CDHR1: variants seen among roughly 807,000 people sequenced by gnomAD.
The protein encoded by CDHR1 is cadherin-related family member 1.
Under a neutral mutation model 72.1 loss-of-function variants are expected in CDHR1, and 61 were observed. That is an observed-to-expected ratio of 0.85 (90% CI 0.69 to 1.05). The LOEUF (loss-of-function observed/expected upper bound fraction) is 1.05, where lower values mean the gene tolerates loss of function less well. Among genes scored for constraint, CDHR1 ranks in the 50% least tolerant of loss-of-function variants. The pLI, the probability that CDHR1 is intolerant of heterozygous loss-of-function variation, is 0.00. For missense variants in CDHR1, 1,186 were observed against 1,115.7 expected, an observed-to-expected ratio of 1.06 and a Z score of -0.90; for synonymous variants, 470 against 448.1, an observed-to-expected ratio of 1.05 and a Z score of -0.62.
At chr10:84,211,616 GC>G in intron 13 of CDHR1, 31 bp from the exon 14 acceptor site, 1 of 1,599,428 alleles carries the variant, frequency 6.3e-7, no homozygotes, top group Non-Finnish European at 8.6e-7. Context: ...TGACAAAGAG[GC>G]ACGTGCCACC....
rs770554455 is a variant in CDHR1, at chr10:84,212,234, G to A, written c.1609G>A (p.Asp537Asn). 6.2e-7 allele frequency: 1 copy of A among 1,614,258 alleles called. No homozygotes were observed. The highest frequency in any genetic ancestry group is 8.5e-7 in the Non-Finnish European group (1 of 1,180,044). Residue 537 changes from aspartate to asparagine, a missense_variant, in exon 15 of 17, where the codon GAC (aspartate) becomes AAC (asparagine). Coordinates refer to ENST00000623527, the MANE Select transcript of CDHR1 (RefSeq NM_033100.4). ...CTACACCCAGCCCTGGGCTAGCCTG[G>A]ACGCTGAGGCCACTGCCAGGTACAA... ...LIYTQPWASL[D>N]AEATARYNFY... is the part of the protein sequence containing the mutation.
At chr10:84,208,137 C>A in intron 10 of CDHR1, 37 bp from the exon 11 acceptor site, 1 of 1,574,418 alleles carries the variant, frequency 6.4e-7, no homozygotes, top group East Asian at 2.2e-5. Context: ...GAAGGGTCCA[C>A]CTGCCACACA....
chr10:84,213,394 T>C (rs1229388179), intron 16 of CDHR1, 46 bp downstream of exon 16: 15 of 1,613,076 alleles, frequency 9.3e-6, no homozygotes, highest in Non-Finnish European at 1.1e-5. Context: ...GCAGGCCAGC[T>C]CAGACCTCTC....
intron 3 of CDHR1, 83 bp downstream of exon 3, chr10:84,196,733 G>T: frequency 6.6e-7 from 1 of 1,505,440 alleles, no homozygotes; most frequent in Middle Eastern, 1.8e-4. Flanking sequence ...GAGCACATTG[G>T]TTAGAACCTC....
At chr10:84,218,843 T>C (rs926427582), downstream of CDHR1, 7 of 891,260 alleles carry the variant, frequency 7.9e-6, no homozygotes, top group Non-Finnish European at 1.0e-5. Flanking sequence ...TGGCCCTATG[T>C]GCTGAGTCAC....
In CDHR1 at chr10:84,213,240, C is replaced by T. The variant is rs1456366291; in HGVS notation, c.1932C>T (p.Ile644=). 3 of 1,614,146 alleles carry T rather than the reference C, an allele frequency of 1.9e-6. No homozygotes were observed. The highest frequency in any genetic ancestry group is 1.1e-5 in the South Asian group (1 of 91,096). Residue 644 remains isoleucine, a synonymous_variant, in exon 16 of 17, where the codon ATC becomes ATT. Transcript: ENST00000623527. Reference sequence around the variant, plus strand: ...GCTCCCTGGATGCCCTGCACAACATCACACCTGGAAGGGACTGCCTATGGT... The same window carrying T: ...GCTCCCTGGATGCCCTGCACAACATTACACCTGGAAGGGACTGCCTATGGT... The part of the protein sequence containing the change: ...SIRSLDALHN[I]TPGRDCLWSL...
At chr10:84,195,849 T>G (rs924563868) in intron 2 of CDHR1, among the ~76,000 whole-genome samples, 6 of 152,348 alleles carry the variant, frequency 3.9e-5, no homozygotes, top group African/African-American at 1.4e-4. Flanking sequence ...CTGCCCCTTA[T>G]GGCTGTGTGA....
chr10:84,205,789 G>A, intron 9 of CDHR1, 38 bp from the exon 10 acceptor site: 1 of 1,476,142 alleles, frequency 6.8e-7, no homozygotes, highest in Non-Finnish European at 9.5e-7. Flanking sequence ...CCTCCCTGTG[G>A]TCCTGTGCAG....
chr10:84,208,449 C>A (rs1842269867), intron 11 of CDHR1, 72 bp downstream of exon 11: 3 of 1,462,114 alleles, frequency 2.1e-6, no homozygotes, highest in South Asian at 1.2e-5. Context: ...CTAAGTGGGT[C>A]TGCATCAACC....
chr10:84,215,659 T>G lies in CDHR1; in HGVS notation c.*1038T>G. On this transcript the variant is annotated 3_prime_UTR_variant, in exon 17 of 17. Coordinates refer to ENST00000623527, the MANE Select transcript of CDHR1 (RefSeq NM_033100.4). Reference sequence around the variant, plus strand: ...TGAAGAAAATAGTGGTGATGAGGGCTTTAACCAAGTGCAAAGCGGCATGAA... The same window carrying G: ...TGAAGAAAATAGTGGTGATGAGGGCGTTAACCAAGTGCAAAGCGGCATGAA... 1 of 984,318 alleles carries G rather than the reference T, an allele frequency of 1.0e-6. No homozygotes were observed. Among genetic ancestry groups the G allele is most frequent in the Non-Finnish European group, 1.2e-6 (1 of 828,900 alleles). The allele number at this position is 984,318 out of a possible 1,614,324, so 61.0% of individuals were successfully genotyped here.
Position 84,211,650 on chromosome 10 carries a change from T to G in CDHR1, c.1488T>G (p.Ala496=). The G allele has an allele frequency of 6.2e-7, 1 of 1,614,088 alleles. No homozygotes were observed. The highest frequency in any genetic ancestry group is 8.5e-7 in the Non-Finnish European group (1 of 1,179,934). ...ACCCAGGGCTCTTTCTCTTCCAGGC[T>G]GTGGATCCAGATACAGGACCCTGGG... ...PGGSSVVAVT[A]VDPDTGPWGE... Residue 496 remains alanine (A), a splice_region_variant and synonymous_variant, in exon 14 of 17, where the codon GCT becomes GCG. Transcript: ENST00000623527.
downstream of CDHR1, chr10:84,219,481 G>C (rs1262403086): frequency 6.7e-6 from 5 of 742,790 alleles, no homozygotes; most frequent in Admixed American, 1.8e-4. Flanking sequence ...TTGGCTTGAA[G>C]GTCTGAACAT....
chr10:84,205,632 A>C, intron 9 of CDHR1, 195 bp from the exon 10 acceptor site: 1 of 635,822 alleles, frequency 1.6e-6, no homozygotes, highest in Non-Finnish European at 2.8e-6. Flanking sequence ...TTCAAGTCCC[A>C]GATCTGCACT....
At chr10:84,210,238 GTTTTTGTTT>G (rs1842304362) in intron 12 of CDHR1, among the ~76,000 whole-genome samples, 1 of 151,624 alleles carries the variant, frequency 6.6e-6, no homozygotes. Flanking sequence ...TTTTGTTTTT[GTTTTTGTTT>G]TTTTTGTTTT....
At chr10:84,208,676 A>C (rs1388573596) in intron 11 of CDHR1, 53 bp from the exon 12 acceptor site, 10 of 1,561,682 alleles carry the variant, frequency 6.4e-6, no homozygotes, top group African/African-American at 1.4e-5. Flanking sequence ...TAGTATGATT[A>C]TGAATTTCTA....
intron 6 of CDHR1, 25 bp from the exon 7 acceptor site, chr10:84,201,782 T>C: frequency 6.3e-7 from 1 of 1,591,326 alleles, no homozygotes; most frequent in East Asian, 2.2e-5. Context: ...CTTGCTGAGG[T>C]CCAGCTGCCC....
At chr10:84,203,705 C>A (rs372048741) in intron 8 of CDHR1, among the ~76,000 whole-genome samples, 1 of 152,312 alleles carries the variant, frequency 6.6e-6, no homozygotes, top group African/African-American at 2.4e-5. Flanking sequence ...TGTGAGCCAC[C>A]GCGCCCGGCC....
At chr10:84,194,965 C>T in intron 1 of CDHR1, 150 bp downstream of exon 1, 2 of 829,120 alleles carry the variant, frequency 2.4e-6, no homozygotes, top group Non-Finnish European at 4.0e-6. Context: ...TTCCATCTTC[C>T]TGGCCCATTC....
chr10:84,217,255 C>G lies in CDHR1; in HGVS notation c.*2634C>G, dbSNP rs768785271. On this transcript the variant is annotated 3_prime_UTR_variant, in exon 17 of 17. Coordinates refer to ENST00000623527, the MANE Select transcript of CDHR1 (RefSeq NM_033100.4). ...AGCTCCAGGCTGGCACCATGGTAGG[C>G]CTCCAGGGAAAGAGCTGGGAGGCAG... The G allele has an allele frequency of 1.0e-6, 1 of 985,520 alleles. No individual in the cohort carries two copies. Among genetic ancestry groups the G allele is most frequent in the Non-Finnish European group, 1.2e-6 (1 of 830,006 alleles). The allele number at this position is 985,520 out of a possible 1,614,324, so 61.0% of individuals were successfully genotyped here.
Sources: gnomAD v4.1 joint callset for allele counts (sites outside exome capture counted in the v4.1 genomes callset) on GRCh38, gnomAD v4.1.1 for gene constraint, MANE v1.5 for transcripts, NCBI Gene and HGNC (gene_info 2026-07-23, HGNC 2026-07-21) for gene names.